The following PARN variants were observed in gnomAD, a reference collection of about 807,000 sequenced individuals.
PARN encodes the protein poly(A)-specific ribonuclease.
PARN carries 71 observed loss-of-function variants against 102.8 expected under a neutral mutation model. The observed-to-expected ratio is 0.69, with a 90% CI of 0.57 to 0.84. PARN has a LOEUF of 0.84. PARN is among the 40% of genes least tolerant of loss of function. PARN has a pLI of 0.00. For synonymous variants in PARN, 261 were observed against 252.9 expected (o/e 1.03, Z -0.30); for missense variants, 782 against 760.9 (o/e 1.03, Z -0.33).
intron 5 of PARN, among the ~76,000 whole-genome samples, chr16:14,625,343 C>A (rs1229623751): frequency 1.3e-5 from 2 of 151,686 alleles, no homozygotes. Context: ...ACCAAAAATA[C>A]AAAATTAGCT....
chr16:14,516,597 G>T (rs1426659754), intron 21 of PARN, among the ~76,000 whole-genome samples: 1 of 152,160 alleles, frequency 6.6e-6, no homozygotes, highest in African/African-American at 2.4e-5. Flanking sequence ...AAGAACATTT[G>T]AATCAAGGGT....
At position 14,582,181 on chromosome 16, in the gene PARN, C is replaced by T; in HGVS notation, c.1192G>A (p.Gly398Ser). ...LCFISMANYLGSFLSPPKIHV... is the reference protein window; with the variant it reads ...LCFISMANYLSSFLSPPKIHV... ...TGACTGAAAGACATGTAATGCGTAC[C>T]TAGGTAATTGGCCATGGAGATGAAG... Residue 398 changes from glycine to serine, a missense_variant and splice_region_variant, in exon 17 of 24, where the codon GGT becomes AGT. Transcript: ENST00000437198. The T allele has an allele frequency of 6.3e-7, 1 of 1,579,002 alleles. No homozygotes were observed. The highest frequency in any genetic ancestry group is 8.7e-7 in the Non-Finnish European group (1 of 1,147,922).
intron 22 of PARN, among the ~76,000 whole-genome samples, chr16:14,466,398 C>A (rs1468268642): frequency 6.6e-6 from 1 of 152,056 alleles, no homozygotes; most frequent in Non-Finnish European, 1.5e-5. Context: ...ATCACTACTG[C>A]GATGTTAAGT....
At chr16:14,571,372 A>G (rs1968801483) in intron 18 of PARN, among the ~76,000 whole-genome samples, 1 of 152,040 alleles carries the variant, frequency 6.6e-6, no homozygotes, top group African/African-American at 2.4e-5. Flanking sequence ...AAAAAAAAAA[A>G]GTCTAAAACT....
chr16:14,554,218 G>C (rs916645593), intron 19 of PARN, 67 bp from the exon 20 acceptor site: 2 of 1,056,718 alleles, frequency 1.9e-6, no homozygotes, highest in Admixed American at 4.3e-5. Context: ...GTGACTCTTT[G>C]ATGAAACTAA....
chr16:14,470,440 T>TGATGATGATGATGATG (rs1170896033), intron 22 of PARN, among the ~76,000 whole-genome samples: 15 of 98,806 alleles, frequency 1.5e-4, no homozygotes, highest in African/African-American at 3.8e-4. Context: ...TTTGGATGAT[T>TGATGATGATGATGATG]ATTATTATTA....
chr16:14,502,889 A>T (rs899446386), intron 21 of PARN, among the ~76,000 whole-genome samples: 4 of 152,218 alleles, frequency 2.6e-5, no homozygotes, highest in Non-Finnish European at 5.9e-5. Context: ...CCACGGCTTA[A>T]CTTCTTAGGG....
intron 21 of PARN, among the ~76,000 whole-genome samples, chr16:14,514,972 A>T (rs1405535512): frequency 1.3e-5 from 2 of 152,228 alleles, no homozygotes; most frequent in Non-Finnish European, 2.9e-5. Context: ...TCCATCATGT[A>T]ACTTCTCTGT....
At chr16:14,532,187 T>A (rs1013082995) in intron 21 of PARN, among the ~76,000 whole-genome samples, 2 of 151,208 alleles carry the variant, frequency 1.3e-5, no homozygotes, top group Non-Finnish European at 3.0e-5. Context: ...TTTTTTTTTT[T>A]TTTTTTTAAT....
At chr16:14,605,841 C>T (rs898388737) in intron 10 of PARN, among the ~76,000 whole-genome samples, 1 of 152,176 alleles carries the variant, frequency 6.6e-6, no homozygotes, top group African/African-American at 2.4e-5. Context: ...TCTGCCCACG[C>T]AACATGAAGC....
chr16:14,535,833 G>C (rs1303648986), intron 21 of PARN, among the ~76,000 whole-genome samples: 1 of 152,108 alleles, frequency 6.6e-6, no homozygotes, highest in East Asian at 1.9e-4. Context: ...GAAAAACAGA[G>C]TACATACAGG....
chr16:14,587,288 T>C (rs567922089), intron 13 of PARN, among the ~76,000 whole-genome samples: 30 of 152,298 alleles, frequency 2.0e-4, no homozygotes, highest in African/African-American at 6.5e-4. Flanking sequence ...AATCTCTCAA[T>C]ACCACTAGAA....
At chr16:14,582,317 C>T (rs1969583611) in intron 16 of PARN, 26 bp from the exon 17 acceptor site, 1 of 1,515,108 alleles carries the variant, frequency 6.6e-7, no homozygotes, top group East Asian at 2.2e-5. Flanking sequence ...AAAAAGTTTT[C>T]CTCAAAACAA....
At chr16:14,627,964 C>T (rs999479903) in intron 3 of PARN, among the ~76,000 whole-genome samples, 7 of 152,122 alleles carry the variant, frequency 4.6e-5, no homozygotes, top group African/African-American at 9.7e-5. Flanking sequence ...GCAGTGATCA[C>T]GCCACTGCAC....
At chr16:14,559,209 T>C (rs1335796705) in intron 18 of PARN, among the ~76,000 whole-genome samples, 4 of 151,986 alleles carry the variant, frequency 2.6e-5, no homozygotes, top group African/African-American at 7.2e-5. Flanking sequence ...CAATTTCTCT[T>C]ACCATTTAGA....
intron 13 of PARN, 98 bp downstream of exon 13, chr16:14,593,203 C>A (rs1331627664): frequency 3.0e-6 from 2 of 677,446 alleles, no homozygotes; most frequent in East Asian, 2.8e-5. Context: ...GGAAATGGCA[C>A]CCAAGTAGAG....
chr16:14,507,287 C>T (rs1357767967), intron 21 of PARN, among the ~76,000 whole-genome samples: 2 of 151,140 alleles, frequency 1.3e-5, no homozygotes, highest in Non-Finnish European at 2.9e-5. Context: ...GATGGTGCCA[C>T]TGCACTCCAG....
intron 22 of PARN, among the ~76,000 whole-genome samples, chr16:14,467,633 T>C (rs1567298378): frequency 6.6e-6 from 1 of 152,158 alleles, no homozygotes; most frequent in African/African-American, 2.4e-5. Flanking sequence ...TATTTTCCCT[T>C]AAAAAATGGC....
chr16:14,505,679 A>G (rs1466305153), intron 21 of PARN, among the ~76,000 whole-genome samples: 3 of 152,218 alleles, frequency 2.0e-5, no homozygotes, highest in Admixed American at 1.3e-4. Flanking sequence ...ATGGTTCATT[A>G]AATGTAATAA....
Sources: gnomAD v4.1 joint callset for allele counts (sites outside exome capture counted in the v4.1 genomes callset) on GRCh38, gnomAD v4.1.1 for gene constraint, MANE v1.5 for transcripts, NCBI Gene and HGNC (gene_info 2026-07-23, HGNC 2026-07-21) for gene names.